Variants in EYA4 observed in about 807,000 individuals in gnomAD.
EYA4 encodes the protein protein phosphatase EYA4.
Under a neutral mutation model 87.9 loss-of-function variants are expected in EYA4, and 31 were observed. The ratio of observed to expected loss-of-function variants is 0.35; its 90% CI spans 0.27 to 0.48. EYA4 has a LOEUF of 0.48. Among genes scored for constraint, EYA4 ranks in the 20% least tolerant of loss-of-function variants. EYA4 has a pLI of 0.99. For missense variants in EYA4, 678 were observed against 761.4 expected, an observed-to-expected ratio of 0.89 and a Z score of 1.29; for synonymous variants, 263 against 270.6, an observed-to-expected ratio of 0.97 and a Z score of 0.28.
chr6:133,468,774 A>G, intron 11 of EYA4, 43 bp downstream of exon 11: 1 of 1,597,398 alleles, frequency 6.3e-7, no homozygotes, highest in South Asian at 1.1e-5. Context: ...TATGTTTTGC[A>G]ATATCTAATA....
intron 2 of EYA4, among the ~76,000 whole-genome samples, chr6:133,346,790 A>G (rs999897162): frequency 2.6e-5 from 4 of 152,118 alleles, no homozygotes; most frequent in Non-Finnish European, 4.4e-5. Context: ...GCCTGGCTGT[A>G]GGCTTTGAGT....
In EYA4 at chr6:133,468,749, G is replaced by A; in HGVS notation, c.970+18G>A. 1 of 1,612,036 alleles carries A rather than the reference G, an allele frequency of 6.2e-7. No homozygotes were observed. The highest frequency in any genetic ancestry group is 8.5e-7 in the Non-Finnish European group (1 of 1,178,444). ...CCAACCAGGTACAGATCTTCACCCA[G>A]GTGAAATACTTTTATATGTTTTGCA... On this transcript the variant is annotated intron_variant, in intron 11 of 19. Transcript: ENST00000355286.
At chr6:133,413,968 A>C (rs547395720) in intron 3 of EYA4, among the ~76,000 whole-genome samples, 24 of 152,116 alleles carry the variant, frequency 1.6e-4, no homozygotes, top group Admixed American at 3.3e-4. Flanking sequence ...GTATTTAATC[A>C]ATCACAATTC....
chr6:133,300,254 G>C (rs1329472538), intron 2 of EYA4, among the ~76,000 whole-genome samples: 6 of 151,924 alleles, frequency 3.9e-5, no homozygotes, highest in African/African-American at 1.5e-4. Context: ...CTGTCTCGGG[G>C]ATGGCAGAGA....
At chr6:133,372,654 T>A (rs180760638) in intron 2 of EYA4, among the ~76,000 whole-genome samples, 1 of 151,896 alleles carries the variant, frequency 6.6e-6, no homozygotes, top group Admixed American at 6.6e-5. Context: ...TTTATAAATG[T>A]TGCTATTTTA....
rs146629548 is a variant in EYA4, at chr6:133,482,871, G to GAGTT, written c.1108-158_1108-155dup. On this transcript the variant is annotated intron_variant, in intron 12 of 19. Coordinates refer to ENST00000355286, the MANE Select transcript of EYA4 (RefSeq NM_004100.5). ...AATTCCTGCTCCTCAGGCTTTATAG[G>GAGTT]AGTTAGATTTGGCAAATTTGAAAAA... Among the ~76,000 whole-genome samples, 4,480 of 152,154 alleles carry GAGTT rather than the reference G, an allele frequency of 0.029. 254 individuals carry two copies. Among genetic ancestry groups the GAGTT allele is most frequent in the East Asian group, 0.18 (937 of 5,164 alleles).
At chr6:133,330,486 T>C (rs891286802) in intron 2 of EYA4, among the ~76,000 whole-genome samples, 1 of 151,626 alleles carries the variant, frequency 6.6e-6, no homozygotes, top group African/African-American at 2.4e-5. Flanking sequence ...GTAAATCCCA[T>C]TTAAAAAATC....
At chr6:133,248,267 T>A (rs1774584499) in intron 1 of EYA4, 1 of 152,216 alleles carries the variant, frequency 6.6e-6, no homozygotes, top group South Asian at 2.1e-4. Flanking sequence ...CTGTTATCCT[T>A]TCCCCCTTTC....
intron 2 of EYA4, among the ~76,000 whole-genome samples, chr6:133,321,944 C>T (rs1250309725): frequency 6.6e-6 from 1 of 152,288 alleles, no homozygotes; most frequent in Non-Finnish European, 1.5e-5. Context: ...TCCTCTCTTA[C>T]CACTTTCCCA....
In EYA4 at chr6:133,531,044, A is replaced by C. The variant is rs1800980550; in HGVS notation, c.*2239A>C. 32 of 1,392,974 alleles carry C rather than the reference A, an allele frequency of 2.3e-5. No homozygotes were observed. The highest frequency in any genetic ancestry group is 6.4e-5 in the Admixed American group (2 of 31,226). The allele number at this position is 1,392,974 out of a possible 1,614,324, so 86.3% of individuals were successfully genotyped here. On this transcript the variant is annotated 3_prime_UTR_variant, in exon 20 of 20. Coordinates refer to ENST00000355286, the MANE Select transcript of EYA4 (RefSeq NM_004100.5). The stretch of plus-strand genomic sequence containing the variant: ...AATGTTGATAGAATTGTGGCATTAC[A>C]TCTAAATTTGTAAGTCTTTTCATAT...
At chr6:133,455,966 C>G (rs1327073454) in intron 5 of EYA4, among the ~76,000 whole-genome samples, 1 of 152,094 alleles carries the variant, frequency 6.6e-6, no homozygotes, top group Non-Finnish European at 1.5e-5. Flanking sequence ...TAGAAGTCAT[C>G]TCTTTTTCTA....
intron 2 of EYA4, among the ~76,000 whole-genome samples, chr6:133,352,572 G>C (rs543877215): frequency 3.3e-5 from 5 of 152,144 alleles, no homozygotes; most frequent in African/African-American, 1.2e-4. Context: ...AATTAAGTTA[G>C]TGATTTTTCT....
At chr6:133,245,399 T>G (rs1774324502) in intron 1 of EYA4, among the ~76,000 whole-genome samples, 1 of 152,240 alleles carries the variant, frequency 6.6e-6, no homozygotes, top group Non-Finnish European at 1.5e-5. Context: ...AGTTTCTTTT[T>G]CTAAATGGAT....
At chr6:133,287,694 T>C (rs1181164856) in intron 2 of EYA4, among the ~76,000 whole-genome samples, 1 of 152,226 alleles carries the variant, frequency 6.6e-6, no homozygotes, top group African/African-American at 2.4e-5. Flanking sequence ...AAATTACATA[T>C]AATTTTTCGG....
chr6:133,290,498 C>A lies in EYA4; in HGVS notation c.33+15685C>A, dbSNP rs1241575498. ...ACCTAGACTATATTTATTTTTCAAT[C>A]TGCTAATGTGAAGAAAAAAGGGGAG... is the stretch of plus-strand genomic sequence containing the variant. On this transcript the variant is annotated intron_variant, in intron 2 of 19. Coordinates refer to ENST00000355286, the MANE Select transcript of EYA4 (RefSeq NM_004100.5). 4.6e-5 allele frequency among the ~76,000 whole-genome samples: 7 copies of A among 152,244 alleles called. No individual in the cohort carries two copies. The South Asian group carries it at 8.3e-4, about 18-fold the overall frequency.
chr6:133,478,928 T>A (rs1232130608), intron 11 of EYA4, among the ~76,000 whole-genome samples: 2 of 152,118 alleles, frequency 1.3e-5, no homozygotes, highest in Admixed American at 6.6e-5. Flanking sequence ...ATGACTGGGG[T>A]TCCTCAAGTT....
Position 133,243,089 on chromosome 6 carries a change from CGTGT to C in EYA4, c.-66+1367_-66+1370del, listed in dbSNP as rs3065226. Among the ~76,000 whole-genome samples the C allele has an allele frequency of 1.8e-3, 266 of 145,468 alleles. 3 individuals are homozygous for C. Among genetic ancestry groups the C allele is most frequent in the East Asian group, 0.014 (68 of 4,784 alleles). On this transcript the variant is annotated intron_variant, in intron 1 of 19. Transcript: ENST00000355286. The stretch of plus-strand genomic sequence containing the variant: ...AGAGCAGTTCCACGTGGAGCAACTT[CGTGT>C]GTGTGTGTGTGTGTGTGTGTGTGTG...
At chr6:133,415,189 T>C (rs1789604652) in intron 3 of EYA4, among the ~76,000 whole-genome samples, 1 of 152,188 alleles carries the variant, frequency 6.6e-6, no homozygotes, top group Non-Finnish European at 1.5e-5. Context: ...TCCAGAGCCT[T>C]ATTGTATTGA....
chr6:133,307,407 G>A (rs1286442502), intron 2 of EYA4, among the ~76,000 whole-genome samples: 1 of 152,132 alleles, frequency 6.6e-6, no homozygotes, highest in East Asian at 1.9e-4. Context: ...TTCTTACTGG[G>A]TTTTGACAGT....
Sources: gnomAD v4.1 joint callset for allele counts (sites outside exome capture counted in the v4.1 genomes callset) on GRCh38, gnomAD v4.1.1 for gene constraint, MANE v1.5 for transcripts, NCBI Gene and HGNC (gene_info 2026-07-23, HGNC 2026-07-21) for gene names.